GAS2: variants seen among roughly 807,000 people sequenced by gnomAD.
The protein encoded by GAS2 is growth arrest-specific protein 2.
A neutral mutation model predicts 37.5 loss-of-function variants in GAS2; 20 were observed. That is an observed-to-expected ratio of 0.53 (90% CI 0.37 to 0.77). The LOEUF (loss-of-function observed/expected upper bound fraction) is 0.77. GAS2 is among the 30% of genes least tolerant of loss of function. The probability of loss-of-function intolerance (pLI) is 0.00; values close to 1 mark genes in which losing one functional copy is unlikely to be tolerated. For synonymous variants in GAS2, 144 were observed against 132.2 expected (o/e 1.09, Z -0.61); for missense variants, 336 against 373.4 (o/e 0.90, Z 0.82).
chr11:22,778,895 G>A (rs765723458), intron 7 of GAS2, among the ~76,000 whole-genome samples: 1 of 152,050 alleles, frequency 6.6e-6, no homozygotes, highest in Non-Finnish European at 1.5e-5. Flanking sequence ...TGTTGAAGGG[G>A]GATATATTTA....
chr11:22,719,162 T>A (rs1394472163), intron 3 of GAS2, among the ~76,000 whole-genome samples: 1 of 152,170 alleles, frequency 6.6e-6, no homozygotes, highest in Non-Finnish European at 1.5e-5. Context: ...CTCCACTTAT[T>A]TTTTTCTGAC....
intron 2 of GAS2, among the ~76,000 whole-genome samples, chr11:22,681,697 T>A (rs1849690628): frequency 1.3e-5 from 2 of 152,226 alleles, no homozygotes; most frequent in South Asian, 4.1e-4. Flanking sequence ...GTGCACAATT[T>A]AAACTAAAGA....
At chr11:22,780,051 T>C (rs897411884) in intron 7 of GAS2, among the ~76,000 whole-genome samples, 6 of 152,230 alleles carry the variant, frequency 3.9e-5, no homozygotes, top group Non-Finnish European at 8.8e-5. Context: ...TGGTGTACTC[T>C]CTAGTACATT....
At chr11:22,731,673 TCAGAA>T (rs1257419418) in intron 4 of GAS2, among the ~76,000 whole-genome samples, 1 of 151,806 alleles carries the variant, frequency 6.6e-6, no homozygotes, top group African/African-American at 2.4e-5. Context: ...ACGTGTTGCA[TCAGAA>T]AAAGAATCTA....
chr11:22,645,427 A>G (rs1848677373), intron 1 of GAS2, among the ~76,000 whole-genome samples: 1 of 152,014 alleles, frequency 6.6e-6, no homozygotes, highest in African/African-American at 2.4e-5. Context: ...GAATCGCTTG[A>G]ACCCGGGAGG....
chr11:22,788,467 C>G (rs753487923), intron 7 of GAS2, among the ~76,000 whole-genome samples: 51 of 152,192 alleles, frequency 3.4e-4, no homozygotes, highest in South Asian at 8.3e-4. Context: ...CCATTAGATG[C>G]CAGTGTAAGC....
intron 4 of GAS2, among the ~76,000 whole-genome samples, chr11:22,732,550 G>A (rs1852529523): frequency 6.6e-6 from 1 of 151,412 alleles, no homozygotes; most frequent in African/African-American, 2.4e-5. Flanking sequence ...CAGTTTTATA[G>A]CCCCTAAATT....
chr11:22,637,103 C>T (rs1439413334), intron 1 of GAS2, among the ~76,000 whole-genome samples: 1 of 125,580 alleles, frequency 8.0e-6, no homozygotes, highest in African/African-American at 3.1e-5. Flanking sequence ...TATTGTATTA[C>T]ATTATATTAA....
At chr11:22,652,770 C>T (rs1184675961) in intron 1 of GAS2, among the ~76,000 whole-genome samples, 1 of 152,210 alleles carries the variant, frequency 6.6e-6, no homozygotes, top group Non-Finnish European at 1.5e-5. Flanking sequence ...ATGCCTCGCC[C>T]TGCTTCGGCT....
At chr11:22,711,730 G>A (rs898634953) in intron 3 of GAS2, among the ~76,000 whole-genome samples, 5 of 152,132 alleles carry the variant, frequency 3.3e-5, no homozygotes, top group African/African-American at 1.2e-4. Context: ...GTCACTGCCA[G>A]CTTTCCCCCA....
At chr11:22,652,882 C>A (rs113653662) in intron 1 of GAS2, among the ~76,000 whole-genome samples, 3,434 of 152,346 alleles carry the variant, frequency 0.023, 112 homozygotes, top group African/African-American at 0.079. Context: ...CACCCGTCTT[C>A]TGCGTCGCTC....
intron 3 of GAS2, among the ~76,000 whole-genome samples, chr11:22,724,720 G>T (rs1224986564): frequency 2.0e-5 from 3 of 151,984 alleles, no homozygotes; most frequent in Admixed American, 2.0e-4. Flanking sequence ...CAGAAACTTT[G>T]ATTATATCTA....
At chr11:22,753,085 A>G (rs1218077829) in intron 6 of GAS2, among the ~76,000 whole-genome samples, 1 of 152,026 alleles carries the variant, frequency 6.6e-6, no homozygotes, top group Non-Finnish European at 1.5e-5. Flanking sequence ...TTCTCCATCA[A>G]CTTCCTCAGT....
chr11:22,652,997 T>TTCTTTCTTTG (rs1246473489), intron 1 of GAS2, among the ~76,000 whole-genome samples: 338 of 135,726 alleles, frequency 2.5e-3, no homozygotes, highest in African/African-American at 7.9e-3. Flanking sequence ...TTCTTTGTCT[T>TTCTTTCTTTG]TCTTTCTTTC....
chr11:22,806,191 A>G (rs1268572071), intron 7 of GAS2, among the ~76,000 whole-genome samples: 1 of 152,058 alleles, frequency 6.6e-6, no homozygotes, highest in Non-Finnish European at 1.5e-5. Context: ...ACAAAATCAT[A>G]TGGTATTTTT....
At chr11:22,696,504 T>C (rs1850524799) in intron 3 of GAS2, among the ~76,000 whole-genome samples, 1 of 152,096 alleles carries the variant, frequency 6.6e-6, no homozygotes, top group Non-Finnish European at 1.5e-5. Flanking sequence ...TCTAGATCCC[T>C]GAGGAATCGC....
intron 7 of GAS2, among the ~76,000 whole-genome samples, chr11:22,786,555 C>A (rs546970236): frequency 6.6e-6 from 1 of 152,110 alleles, no homozygotes; most frequent in African/African-American, 2.4e-5. Flanking sequence ...TATCTCAAGA[C>A]GTGTCTTGAA....
At position 22,726,341 on chromosome 11, in the gene GAS2, C is replaced by G; in HGVS notation, c.317C>G (p.Ser106Cys). The change falls in exon 4 of 8, where the codon TCC (serine) becomes TGC (cysteine). Residue 106 changes from serine (S) to cysteine (C), a missense_variant. Ser to Cys is a moderately radical substitution (Grantham distance 112). Transcript: ENST00000454584. ...IPCKTSAPSGSFFARDNTANF... is the reference protein window; with the variant it reads ...IPCKTSAPSGCFFARDNTANF... ...TGCAAAACCAGTGCACCCTCGGGCT[C>G]CTTTTTTGCCAGAGACAATACAGCA... The G allele has an allele frequency of 6.2e-7, 1 of 1,612,650 alleles. No homozygotes were observed. The highest frequency in any genetic ancestry group is 8.5e-7 in the Non-Finnish European group (1 of 1,179,316).
intron 1 of GAS2, among the ~76,000 whole-genome samples, chr11:22,652,151 G>A (rs1455265915): frequency 6.6e-6 from 1 of 152,208 alleles, no homozygotes; most frequent in African/African-American, 2.4e-5. Context: ...AGGACCCTCA[G>A]ATAGACAGGT....
Sources: gnomAD v4.1 joint callset for allele counts (sites outside exome capture counted in the v4.1 genomes callset) on GRCh38, gnomAD v4.1.1 for gene constraint, MANE v1.5 for transcripts, NCBI Gene and HGNC (gene_info 2026-07-23, HGNC 2026-07-21) for gene names.